The following USP19 variants were observed in gnomAD, a reference collection of about 807,000 sequenced individuals.
The protein encoded by USP19 is ubiquitin carboxyl-terminal hydrolase 19.
Under a neutral mutation model 144.8 loss-of-function variants are expected in USP19, and 40 were observed. The observed-to-expected ratio is 0.28, with a 90% CI of 0.21 to 0.36. USP19 has a LOEUF of 0.36. Ranked by LOEUF, USP19 falls within the 10% of genes least tolerant of loss-of-function variation. USP19 has a pLI of 1.00. For missense variants in USP19, 1,518 were observed against 1,822.5 expected (o/e 0.83, Z 3.04); for synonymous variants, 701 against 709.3 (o/e 0.99, Z 0.19).
In USP19 at chr3:49,111,001, T is replaced by A. The variant is rs1384378660; in HGVS notation, c.3494A>T (p.Gln1165Leu). Reference protein sequence around the residue: ...AARAGHFTLDQCLNLFTRPEV... With the variant: ...AARAGHFTLDLCLNLFTRPEV... ...AGGCCGTGTGAAGAGGTTGAGGCAC[T>A]GGTCCAGGGTGAAGTGGCCGGCCCG... The change falls in exon 23 of 27, where the codon CAG becomes CTG. Residue 1165 changes from glutamine (Q) to leucine (L), a missense_variant. Coordinates refer to ENST00000417901, the MANE Select transcript of USP19 (RefSeq NM_001199161.2). This position sits in a 1 kb window ranked among gnomAD's most constrained non-coding sequence, Gnocchi z 5.9. The A allele has an allele frequency of 3.7e-6, 6 of 1,613,936 alleles. No homozygotes were observed. In the Admixed American group the frequency reaches 6.7e-5, roughly 18 times the overall value.
chr3:49,118,977 G>A, intron 2 of USP19, 45 bp downstream of exon 2: 1 of 1,612,674 alleles, frequency 6.2e-7, no homozygotes, highest in Non-Finnish European at 8.5e-7. Context: ...CCAATAAGAT[G>A]GGAGGCAGAG....
At position 49,108,415 on chromosome 3, in the gene USP19, A is replaced by G; in HGVS notation, c.4152T>C (p.Asp1384=). 2 of 1,386,180 alleles carry G rather than the reference A, an allele frequency of 1.4e-6. No homozygotes were observed. The highest frequency in any genetic ancestry group is 1.9e-6 in the Non-Finnish European group (2 of 1,050,378). 85.9% of individuals were successfully genotyped at this position (1,386,180 alleles called of 1,614,324 possible). A position where few individuals can be genotyped will look rare whatever the true frequency, so the allele number is the denominator to read the frequency against. The change falls in exon 27 of 27, where the codon GAT becomes GAC. Residue 1384 remains aspartate, a synonymous_variant. Transcript: ENST00000417901. This position sits in a 1 kb window ranked among gnomAD's most constrained non-coding sequence, Gnocchi z 4.8. ...CCCCCCATCAGCCAGGGACCTGCTA[A>G]TCCACCTCCTCCATGTTGCTGTAGG... The part of the protein sequence containing the change: ...APTYSNMEEV[D]
chr3:49,119,875 G>C (rs966627838), intron 1 of USP19, among the ~76,000 whole-genome samples: 1 of 152,146 alleles, frequency 6.6e-6, no homozygotes, highest in East Asian at 1.9e-4. Flanking sequence ...CATTTCAAGA[G>C]AAAGTCCTCT....
chr3:49,118,772 G>A (rs1404312318), intron 2 of USP19, among the ~76,000 whole-genome samples: 1 of 151,694 alleles, frequency 6.6e-6, no homozygotes, highest in Admixed American at 6.6e-5. Context: ...AAAAGAACAG[G>A]TTCAAAAAAA....
chr3:49,108,419 A>T lies in USP19; in HGVS notation c.4148T>A (p.Val1383Glu). 7.2e-7 allele frequency: 1 copy of T among 1,387,190 alleles called. No individual in the cohort carries two copies. The highest frequency in any genetic ancestry group is 9.5e-7 in the Non-Finnish European group (1 of 1,054,254). The allele number at this position is 1,387,190 out of a possible 1,614,324, so 85.9% of individuals were successfully genotyped here. A position where few individuals can be genotyped will look rare whatever the true frequency, so the allele number is the denominator to read the frequency against. ...CCATCAGCCAGGGACCTGCTAATCC[A>T]CCTCCTCCATGTTGCTGTAGGTGGG... Reference protein sequence around the residue: ...PAPTYSNMEEVD With the variant: ...PAPTYSNMEEED The change falls in exon 27 of 27, where the codon GTG becomes GAG. Residue 1383 changes from valine (V) to glutamate (E), a missense_variant. By Grantham distance (121) the Val-to-Glu change is moderately radical (BLOSUM62 -2). Coordinates refer to ENST00000417901, the MANE Select transcript of USP19 (RefSeq NM_001199161.2). This position sits in a 1 kb window ranked among gnomAD's most constrained non-coding sequence, Gnocchi z 4.8.
In USP19 at chr3:49,112,521, T is replaced by C; in HGVS notation, c.2614A>G (p.Lys872Glu). 1 of 1,613,998 alleles carries C rather than the reference T, an allele frequency of 6.2e-7. No individual in the cohort carries two copies. Among genetic ancestry groups the C allele is most frequent in the Non-Finnish European group, 8.5e-7 (1 of 1,179,920 alleles). ...ACCTCTAGCACCACTACCCGCTCCTTAGCCAACTCTGAGGATAGCAGCTCA... is the reference window on the plus strand; with the variant it reads ...ACCTCTAGCACCACTACCCGCTCCTCAGCCAACTCTGAGGATAGCAGCTCA... ...CFELLSSELAKERVVVLEVQQ... is the reference protein window; with the variant it reads ...CFELLSSELAEERVVVLEVQQ... The change falls in exon 18 of 27, where the codon AAG (lysine) becomes GAG (glutamate). Residue 872 changes from lysine (K) to glutamate (E), a missense_variant. Lys to Glu is a moderately conservative substitution (Grantham distance 56, BLOSUM62 1). Around this residue, in one of 5 missense-constraint regions of USP19, gnomAD observed 413 missense variants for 515.8 expected, o/e 0.80. Transcript: ENST00000417901. This position sits in a 1 kb window ranked among gnomAD's most constrained non-coding sequence, Gnocchi z 4.9.
In USP19 at chr3:49,110,376, G is replaced by A. The variant is rs780634969; in HGVS notation, c.3860-14C>T. 1.9e-6 allele frequency: 3 copies of A among 1,597,770 alleles called. No individual in the cohort carries two copies. Among genetic ancestry groups the A allele is most frequent in the Non-Finnish European group, 2.6e-6 (3 of 1,170,178 alleles). On this transcript the variant is annotated splice_polypyrimidine_tract_variant and intron_variant, in intron 25 of 26. Transcript: ENST00000417901. This position sits in a 1 kb window ranked among gnomAD's most constrained non-coding sequence, Gnocchi z 6.1. ...ACAAGCGCCAGCCTACAGCAGGGTGGGAAGAGTGTGAACAAAGTCTGCACC... is the reference window on the plus strand; with the variant it reads ...ACAAGCGCCAGCCTACAGCAGGGTGAGAAGAGTGTGAACAAAGTCTGCACC...
At chr3:49,118,245 G>A (rs76885631) in intron 2 of USP19, 125 bp from the exon 3 acceptor site, 11,621 of 447,300 alleles carry the variant, frequency 0.026, 183 homozygotes, top group Middle Eastern at 0.052. Flanking sequence ...TCCAATCTGT[G>A]CAAGAGTGAG....
At position 49,116,433 on chromosome 3, in the gene USP19, C is replaced by T. The variant is rs2044145875; in HGVS notation, c.1283+18G>A. 1.2e-6 allele frequency: 2 copies of T among 1,614,098 alleles called. No individual in the cohort carries two copies. The highest frequency in any genetic ancestry group is 1.7e-6 in the Non-Finnish European group (2 of 1,179,960). ...GTCCCACCTGAGGCATTGTTTGCCC[C>T]ATCATCTACCCACCCACCTGGTCTG... On this transcript the variant is annotated intron_variant, in intron 8 of 26. Coordinates refer to ENST00000417901, the MANE Select transcript of USP19 (RefSeq NM_001199161.2). The surrounding 1 kb of genome is among the most constrained non-coding windows in gnomAD (Gnocchi z 5.0).
In USP19 at chr3:49,111,429, C is replaced by T; in HGVS notation, c.3218-64G>A. On this transcript the variant is annotated intron_variant, in intron 21 of 26. Transcript: ENST00000417901. This position sits in a 1 kb window ranked among gnomAD's most constrained non-coding sequence, Gnocchi z 5.9. ...CAGGGCCTCACCAGGCCCACCAGGC[C>T]CTAAACAACAGCCCCCTCCATCCTC... 1 of 1,613,462 alleles carries T rather than the reference C, an allele frequency of 6.2e-7. No individual in the cohort carries two copies. Among genetic ancestry groups the T allele is most frequent in the South Asian group, 1.1e-5 (1 of 91,062 alleles).
At position 49,112,693 on chromosome 3, in the gene USP19, G is replaced by A. The variant is rs2043365298; in HGVS notation, c.2506-64C>T. 1.3e-6 allele frequency: 2 copies of A among 1,559,820 alleles called. No individual in the cohort carries two copies. The highest frequency in any genetic ancestry group is 3.6e-5 in the Admixed American group (2 of 56,238). ...GCCCTTTCCCTAGCCCTGCCCCAGA[G>A]TTTAAGAAGGCTTGGCCCTGCCTTG... On this transcript the variant is annotated intron_variant, in intron 17 of 26. Transcript: ENST00000417901. This position sits in a 1 kb window ranked among gnomAD's most constrained non-coding sequence, Gnocchi z 4.9.
chr3:49,108,457 C>A lies in USP19; in HGVS notation c.4110G>T (p.Val1370=). ...TGCTGTAGGTGGGGGCTGGCCGATC[C>A]ACAGGGGGGGCGAAGCGTTCAGGGG... ...RTAPERFAPP[V]DRPAPTYSNM... Residue 1370 remains valine, a synonymous_variant, in exon 27 of 27, where the codon GTG becomes GTT. Transcript: ENST00000417901. This position sits in a 1 kb window ranked among gnomAD's most constrained non-coding sequence, Gnocchi z 4.8. The A allele has an allele frequency of 7.4e-7, 1 of 1,360,430 alleles. No individual in the cohort carries two copies. 84.3% of individuals were successfully genotyped at this position (1,360,430 alleles called of 1,614,324 possible). A position where few individuals can be genotyped will look rare whatever the true frequency, so the allele number is the denominator to read the frequency against.
rs2044268088 is a variant in USP19 at position 49,117,062 on chromosome 3, G to C, written c.906C>G (p.Thr302=). The C allele has an allele frequency of 6.6e-7, 1 of 1,517,048 alleles. No homozygotes were observed. The highest frequency in any genetic ancestry group is 8.9e-7 in the Non-Finnish European group (1 of 1,128,206). 94.0% of individuals were successfully genotyped at this position (1,517,048 alleles called of 1,614,324 possible). A position where few individuals can be genotyped will look rare whatever the true frequency, so the allele number is the denominator to read the frequency against. ...CAAACAGGTGCCCAGCTCTCACCTG[G>C]GTGGCTGGGTCAGCCACGAAGGGTG... is the stretch of plus-strand genomic sequence containing the variant. ...DAPPFVADPA[T]QVEADEQLCI... Residue 302 remains threonine, a synonymous_variant, in exon 6 of 27, where the codon ACC becomes ACG. Transcript: ENST00000417901. The surrounding 1 kb of genome is among the most constrained non-coding windows in gnomAD (Gnocchi z 4.4).
At position 49,112,344 on chromosome 3, in the gene USP19, T is replaced by C. The variant is rs1455245165; in HGVS notation, c.2705A>G (p.Gln902Arg). ...SKCAACQRKQQSEDEKLKRCT... is the reference protein window; with the variant it reads ...SKCAACQRKQRSEDEKLKRCT... ...GCGCTTCAGCTTTTCATCCTCCGAC[T>C]GTTGCTTCCGCTGGCAGGCTGCACA... is the stretch of plus-strand genomic sequence containing the variant. The change falls in exon 19 of 27, where the codon CAG becomes CGG. Residue 902 changes from glutamine (Q) to arginine (R), a missense_variant. Gln to Arg is a conservative substitution (Grantham distance 43). Transcript: ENST00000417901. This position sits in a 1 kb window ranked among gnomAD's most constrained non-coding sequence, Gnocchi z 4.9. 1 of 1,614,020 alleles carries C rather than the reference T, an allele frequency of 6.2e-7. No homozygotes were observed.
In USP19 at chr3:49,115,974, G is replaced by T; in HGVS notation, c.1472-30C>A. On this transcript the variant is annotated intron_variant, in intron 10 of 26. Transcript: ENST00000417901. The surrounding 1 kb of genome is among the most constrained non-coding windows in gnomAD (Gnocchi z 6.6). ...AAAAGGGGGAATGAGAGGGCTGGTG[G>T]TTAGCAGCATGTGACAGGGGTTTGG... 1 of 1,561,076 alleles carries T rather than the reference G, an allele frequency of 6.4e-7. No individual in the cohort carries two copies. The highest frequency in any genetic ancestry group is 8.6e-7 in the Non-Finnish European group (1 of 1,156,086).
At position 49,111,072 on chromosome 3, in the gene USP19, C is replaced by T. The variant is rs1057375935; in HGVS notation, c.3423G>A (p.Lys1141=). The change falls in exon 23 of 27, where the codon AAG becomes AAA. Residue 1141 remains lysine, a synonymous_variant. Coordinates refer to ENST00000417901, the MANE Select transcript of USP19 (RefSeq NM_001199161.2). The surrounding 1 kb of genome is among the most constrained non-coding windows in gnomAD (Gnocchi z 5.9). Reference sequence around the variant, plus strand: ...CTGGATCCTCAGCACATTCCAGCTCCTTGGAGGCTACCAACACAAACTCCT... The same window carrying T: ...CTGGATCCTCAGCACATTCCAGCTCTTTGGAGGCTACCAACACAAACTCCT... ...RLQEFVLVAS[K]ELECAEDPGS... 1.2e-6 allele frequency: 2 copies of T among 1,614,040 alleles called. No individual in the cohort carries two copies. Among genetic ancestry groups the T allele is most frequent in the Non-Finnish European group, 1.7e-6 (2 of 1,180,030 alleles).
intron 17 of USP19, among the ~76,000 whole-genome samples, chr3:49,113,087 T>C (rs902378374): frequency 3.3e-5 from 5 of 152,000 alleles, no homozygotes; most frequent in Admixed American, 2.6e-4. Flanking sequence ...AGAGCGAACA[T>C]AGGGATAGTC....
At position 49,108,652 on chromosome 3, in the gene USP19, C is replaced by A; in HGVS notation, c.4039-124G>T. Reference sequence around the variant, plus strand: ...CCAAGGCAGGCGCAGACAGCAGCGGCGTTGAGACAGAGAGACGAGATTGGG... The same window carrying A: ...CCAAGGCAGGCGCAGACAGCAGCGGAGTTGAGACAGAGAGACGAGATTGGG... On this transcript the variant is annotated intron_variant, in intron 26 of 26. Transcript: ENST00000417901. The surrounding 1 kb of genome is among the most constrained non-coding windows in gnomAD (Gnocchi z 4.8). 2 of 1,273,086 alleles carry A rather than the reference C, an allele frequency of 1.6e-6. No individual in the cohort carries two copies. The highest frequency in any genetic ancestry group is 9.9e-7 in the Non-Finnish European group (1 of 1,007,830). 78.9% of individuals were successfully genotyped at this position (1,273,086 alleles called of 1,614,324 possible).
chr3:49,111,446 T>TC lies in USP19; in HGVS notation c.3217+53dup. The stretch of plus-strand genomic sequence containing the variant: ...CACCAGGCCCTAAACAACAGCCCCC[T>TC]CCATCCTCCCTTATCCTCCTCCCCA... On this transcript the variant is annotated intron_variant, in intron 21 of 26. Coordinates refer to ENST00000417901, the MANE Select transcript of USP19 (RefSeq NM_001199161.2). The surrounding 1 kb of genome is among the most constrained non-coding windows in gnomAD (Gnocchi z 5.9). 1.2e-6 allele frequency: 2 copies of TC among 1,612,752 alleles called. No homozygotes were observed. Among genetic ancestry groups the TC allele is most frequent in the Non-Finnish European group, 1.7e-6 (2 of 1,179,522 alleles).
Sources: allele counts gnomAD v4.1 joint callset (sites outside exome capture counted in the v4.1 genomes callset), GRCh38; gene constraint gnomAD v4.1.1; regional missense constraint gnomAD v4.1.1; non-coding constraint Gnocchi (gnomAD v3.1); transcripts MANE v1.5; gene names NCBI Gene and HGNC (gene_info 2026-07-23, HGNC 2026-07-21).